GNAQ: variants seen among roughly 807,000 people sequenced by gnomAD.
GNAQ encodes the protein G protein subunit alpha q, also known as guanine nucleotide-binding protein G(q) subunit alpha.
Under a neutral mutation model 43.9 loss-of-function variants are expected in GNAQ, and 8 were observed. The observed-to-expected ratio is 0.18, with a 90% CI of 0.11 to 0.33. The LOEUF is 0.33. GNAQ is among the 10% of genes least tolerant of loss of function. The pLI is 1.00. For synonymous variants in GNAQ, 155 were observed against 170.7 expected (o/e 0.91, Z 0.71); for missense variants, 158 against 450.8 (o/e 0.35, Z 5.88).
chr9:77,992,079 C>T (rs1279045104), intron 1 of GNAQ, among the ~76,000 whole-genome samples: 4 of 152,242 alleles, frequency 2.6e-5, no homozygotes, highest in Admixed American at 2.0e-4. Context: ...TCTGGGTAGA[C>T]ACCCAGTAGT....
chr9:77,991,399 C>T (rs1326836127), intron 1 of GNAQ, among the ~76,000 whole-genome samples: 2 of 152,148 alleles, frequency 1.3e-5, no homozygotes, highest in African/African-American at 2.4e-5. Context: ...ATGTTGGTCA[C>T]GTTTCAACAA....
intron 1 of GNAQ, among the ~76,000 whole-genome samples, chr9:77,934,990 T>C (rs1384131881): frequency 6.6e-6 from 1 of 152,000 alleles, no homozygotes; most frequent in Non-Finnish European, 1.5e-5. Context: ...CAGGGTATGG[T>C]GGTGTGGGCC....
chr9:77,718,858 A>C lies in GNAQ; in HGVS notation c.*2465T>G, dbSNP rs981027756. 2.2e-5 allele frequency: 5 copies of C among 229,872 alleles called. No individual in the cohort carries two copies. Among genetic ancestry groups the C allele is most frequent in the African/African-American group, 1.1e-4 (5 of 44,826 alleles). 14.2% of individuals were successfully genotyped at this position (229,872 alleles called of 1,614,324 possible). Reference sequence around the variant, plus strand: ...GCTTCTAAAACTGCCTTTCTAGTAAAGGCCATCAGAGAGGTAATACTAAAC... The same window carrying C: ...GCTTCTAAAACTGCCTTTCTAGTAACGGCCATCAGAGAGGTAATACTAAAC... On this transcript the variant is annotated 3_prime_UTR_variant, in exon 7 of 7. Coordinates refer to ENST00000286548, the MANE Select transcript of GNAQ (RefSeq NM_002072.5).
intron 2 of GNAQ, among the ~76,000 whole-genome samples, chr9:77,908,707 G>A (rs750165959): frequency 6.6e-6 from 1 of 152,094 alleles, no homozygotes; most frequent in African/African-American, 2.4e-5. Flanking sequence ...AGTATTTTCT[G>A]GGATCTTCTC....
intron 1 of GNAQ, among the ~76,000 whole-genome samples, chr9:78,005,540 T>C (rs1288305521): frequency 6.6e-6 from 1 of 152,220 alleles, no homozygotes; most frequent in Admixed American, 6.5e-5. Context: ...AATAATGTCT[T>C]ACTCACAGTA....
At chr9:77,738,243 A>G (rs776603456) in intron 5 of GNAQ, among the ~76,000 whole-genome samples, 11 of 152,308 alleles carry the variant, frequency 7.2e-5, no homozygotes, top group East Asian at 1.9e-4. Flanking sequence ...TTCCAATTCA[A>G]TAGTGCTCCA....
At chr9:77,999,025 G>A (rs1268502097) in intron 1 of GNAQ, among the ~76,000 whole-genome samples, 1 of 146,568 alleles carries the variant, frequency 6.8e-6, no homozygotes, top group Non-Finnish European at 1.5e-5. Context: ...CCAGGAGGCG[G>A]AGGTTGCAGA....
chr9:77,991,958 C>A (rs745354520), intron 1 of GNAQ, among the ~76,000 whole-genome samples: 2 of 152,136 alleles, frequency 1.3e-5, no homozygotes, highest in Non-Finnish European at 2.9e-5. Context: ...TTTCTTTATC[C>A]ACTTGTTAGC....
intron 5 of GNAQ, among the ~76,000 whole-genome samples, chr9:77,788,339 C>G (rs1294022224): frequency 6.6e-6 from 1 of 151,946 alleles, no homozygotes; most frequent in African/African-American, 2.4e-5. Context: ...ATAAATGAAA[C>G]AGAGTCATGT....
intron 2 of GNAQ, among the ~76,000 whole-genome samples, chr9:77,856,806 T>C (rs752116490): frequency 5.9e-5 from 9 of 152,250 alleles, no homozygotes; most frequent in Non-Finnish European, 1.0e-4. Flanking sequence ...AAGCCGTTAT[T>C]ACTTTTCATT....
intron 2 of GNAQ, among the ~76,000 whole-genome samples, chr9:77,870,222 G>T (rs1587376511): frequency 6.6e-6 from 1 of 152,010 alleles, no homozygotes; most frequent in Non-Finnish European, 1.5e-5. Flanking sequence ...ATTTCTTTTG[G>T]GGATAATTTA....
intron 2 of GNAQ, among the ~76,000 whole-genome samples, chr9:77,861,600 A>C (rs1033653861): frequency 6.6e-6 from 1 of 152,134 alleles, no homozygotes; most frequent in African/African-American, 2.4e-5. Flanking sequence ...TGGCCAAAAC[A>C]AAGGGCTACA....
At chr9:78,017,167 C>A (rs1173497789) in intron 1 of GNAQ, among the ~76,000 whole-genome samples, 1 of 152,154 alleles carries the variant, frequency 6.6e-6, no homozygotes, top group Non-Finnish European at 1.5e-5. Context: ...ACAATTAGTT[C>A]TTCCAGAGAT....
At chr9:77,783,050 C>A (rs1350247190) in intron 5 of GNAQ, among the ~76,000 whole-genome samples, 2 of 152,168 alleles carry the variant, frequency 1.3e-5, no homozygotes, top group African/African-American at 2.4e-5. Context: ...CCATTTTGTA[C>A]AACACTATAA....
chr9:77,829,330 C>A (rs1052570059), intron 2 of GNAQ, among the ~76,000 whole-genome samples: 2 of 152,166 alleles, frequency 1.3e-5, no homozygotes, highest in Non-Finnish European at 2.9e-5. Flanking sequence ...TTCTTCACAT[C>A]CTTATAATTC....
rs1337361296 is a variant in GNAQ, at chr9:77,778,342, A to C, written c.735+16121T>G. Among the ~76,000 whole-genome samples the C allele has an allele frequency of 4.6e-5, 7 of 152,106 alleles. No homozygotes were observed. The South Asian group carries it at 6.2e-4, about 13-fold the overall frequency. On this transcript the variant is annotated intron_variant, in intron 5 of 6. Coordinates refer to ENST00000286548, the MANE Select transcript of GNAQ (RefSeq NM_002072.5). ...TTACAAGGTACTTGTGCTACCCATG[A>C]AGCAGTATAGTATTCTTTGAGTGTG...
intron 2 of GNAQ, among the ~76,000 whole-genome samples, chr9:77,868,785 C>T (rs1370901739): frequency 2.6e-5 from 4 of 151,804 alleles, no homozygotes; most frequent in Admixed American, 6.6e-5. Flanking sequence ...CAGAGCGAGA[C>T]TCCATCTCAA....
rs1825284436 is a variant in GNAQ, at chr9:77,719,921, C to T, written c.*1402G>A. 4.3e-6 allele frequency: 1 copy of T among 232,414 alleles called. No individual in the cohort carries two copies. Among genetic ancestry groups the T allele is most frequent in the Non-Finnish European group, 8.5e-6 (1 of 117,568 alleles). The allele number at this position is 232,414 out of a possible 1,614,324, so 14.4% of individuals were successfully genotyped here. ...TCAAGAAGATCATGAAGGTGGTAAACTAGCAGGAACTTCAGATTTTGGAAA... is the reference window on the plus strand; with the variant it reads ...TCAAGAAGATCATGAAGGTGGTAAATTAGCAGGAACTTCAGATTTTGGAAA... On this transcript the variant is annotated 3_prime_UTR_variant, in exon 7 of 7. Transcript: ENST00000286548.
At chr9:77,761,139 C>T (rs1369131008) in intron 5 of GNAQ, among the ~76,000 whole-genome samples, 1 of 146,398 alleles carries the variant, frequency 6.8e-6, no homozygotes, top group Non-Finnish European at 1.6e-5. Flanking sequence ...CCCGCCCGGC[C>T]AGCCGCCCCG....
Sources: allele counts gnomAD v4.1 joint callset (sites outside exome capture counted in the v4.1 genomes callset), GRCh38; gene constraint gnomAD v4.1.1; transcripts MANE v1.5; gene names NCBI Gene and HGNC (gene_info 2026-07-23, HGNC 2026-07-21).